The following LTBP1 variants were observed in gnomAD, a reference collection of about 807,000 sequenced individuals.
LTBP1 encodes the protein latent-transforming growth factor beta-binding protein 1.
In LTBP1, 129 loss-of-function variants were observed where a neutral mutation model predicts 207.6. The ratio of observed to expected loss-of-function variants is 0.62; its 90% CI spans 0.54 to 0.72. The LOEUF is 0.72. Among genes scored for constraint, LTBP1 ranks in the 30% least tolerant of loss-of-function variants. LTBP1 has a pLI of 0.00. For missense variants in LTBP1, 2,281 were observed against 2,217.2 expected, an observed-to-expected ratio of 1.03 and a Z score of -0.58; for synonymous variants, 963 against 833.7, an observed-to-expected ratio of 1.16 and a Z score of -2.67.
intron 29 of LTBP1, 43 bp downstream of exon 29, chr2:33,363,561 A>C (rs781650293): frequency 6.4e-7 from 1 of 1,568,000 alleles, no homozygotes; most frequent in South Asian, 1.2e-5. Context: ...GTGAAAATAT[A>C]CAGATGGAAA....
chr2:33,226,850 A>G (rs1393858029), intron 9 of LTBP1, among the ~76,000 whole-genome samples: 4 of 152,124 alleles, frequency 2.6e-5, no homozygotes, highest in Non-Finnish European at 5.9e-5. Flanking sequence ...TAGCAGGGTC[A>G]TGATTAGTGC....
chr2:32,968,349 T>C (rs933668311), intron 2 of LTBP1, among the ~76,000 whole-genome samples: 5 of 152,322 alleles, frequency 3.3e-5, no homozygotes, highest in Admixed American at 6.5e-5. Context: ...TCTTGGAGAA[T>C]TGACACTTTT....
In LTBP1 at chr2:33,257,520, G is replaced by T. The variant is rs776045141; in HGVS notation, c.2395+9G>T. The stretch of plus-strand genomic sequence containing the variant: ...AGTGGCGGAGCCAGAAGGTGAGAGC[G>T]GTAATGGATCATGGACTCTAGACAT... On this transcript the variant is annotated intron_variant, in intron 12 of 33. Transcript: ENST00000404816. 1 of 1,608,040 alleles carries T rather than the reference G, an allele frequency of 6.2e-7. No homozygotes were observed. The highest frequency in any genetic ancestry group is 2.2e-5 in the East Asian group (1 of 44,812).
Position 33,309,543 on chromosome 2 carries a change from TA to T in LTBP1, c.3595del (p.Thr1199HisfsTer21). On this transcript the variant is annotated frameshift_variant, in exon 23 of 34. Coordinates refer to ENST00000404816, the MANE Select transcript of LTBP1 (RefSeq NM_206943.4). LOFTEE classifies it high-confidence loss of function. ...CGGATGGATTTCAGCTAGATGACAA[TA>T]AAACATGTCAAGGTATTTCTTGCTC... The part of the protein sequence containing the change: ...CPDGFQLDDN[K>X]TCQDINECEH... The T allele has an allele frequency of 1.2e-6, 2 of 1,606,384 alleles. No individual in the cohort carries two copies. The highest frequency in any genetic ancestry group is 1.7e-6 in the Non-Finnish European group (2 of 1,177,654).
At chr2:33,168,080 G>T (rs537766862) in intron 5 of LTBP1, among the ~76,000 whole-genome samples, 1 of 152,172 alleles carries the variant, frequency 6.6e-6, no homozygotes, top group Non-Finnish European at 1.5e-5. Context: ...GTGCATAGTT[G>T]TAAGAACAGA....
chr2:33,326,443 G>A (rs970920232), intron 24 of LTBP1, among the ~76,000 whole-genome samples: 4 of 151,950 alleles, frequency 2.6e-5, no homozygotes, highest in African/African-American at 4.8e-5. Context: ...GTCATTCACT[G>A]AATGAGCTTG....
intron 2 of LTBP1, among the ~76,000 whole-genome samples, chr2:32,981,372 T>A (rs1032784561): frequency 6.6e-6 from 1 of 152,236 alleles, no homozygotes; most frequent in South Asian, 2.1e-4. Context: ...GTGTTTCTGT[T>A]CCAGTAAATT....
At chr2:32,964,655 T>A (rs1679664874) in intron 2 of LTBP1, among the ~76,000 whole-genome samples, 1 of 152,138 alleles carries the variant, frequency 6.6e-6, no homozygotes, top group African/African-American at 2.4e-5. Context: ...TAAGAAATGG[T>A]GTTAAAATTT....
At chr2:32,972,331 TCTG>T (rs368196583) in intron 2 of LTBP1, among the ~76,000 whole-genome samples, 11 of 152,130 alleles carry the variant, frequency 7.2e-5, no homozygotes, top group African/African-American at 1.9e-4. Context: ...TTTCCTGTCT[TCTG>T]CTAGCTTTGG....
intron 26 of LTBP1, among the ~76,000 whole-genome samples, chr2:33,352,835 G>A (rs150936484): frequency 7.9e-5 from 12 of 152,164 alleles, no homozygotes; most frequent in Admixed American, 1.3e-4. Context: ...TTAGCTTTCC[G>A]TCCTACACTC....
intron 2 of LTBP1, among the ~76,000 whole-genome samples, chr2:32,986,630 A>T (rs1219074119): frequency 6.6e-6 from 1 of 152,172 alleles, no homozygotes; most frequent in African/African-American, 2.4e-5. Context: ...TAAATCAAGC[A>T]CAGGGCCCTT....
chr2:32,993,969 A>AGGGTGTGT (rs1684843489), intron 2 of LTBP1, among the ~76,000 whole-genome samples: 1 of 138,384 alleles, frequency 7.2e-6, no homozygotes, highest in Non-Finnish European at 1.6e-5. Context: ...CAGTTAGGGG[A>AGGGTGTGT]GTGTGTGTGT....
At chr2:33,219,791 G>A (rs972838519) in intron 8 of LTBP1, among the ~76,000 whole-genome samples, 1 of 151,542 alleles carries the variant, frequency 6.6e-6, no homozygotes, top group Non-Finnish European at 1.5e-5. Flanking sequence ...CTCTTCTCTT[G>A]TGTCCAAACC....
intron 1 of LTBP1, 118 bp from the exon 2 acceptor site, chr2:32,948,757 C>T (rs964798960): frequency 1.3e-5 from 12 of 946,832 alleles, no homozygotes; most frequent in African/African-American, 6.4e-5. Flanking sequence ...TTAGGACTCT[C>T]TCTCATCCAG....
chr2:32,968,873 G>T (rs1216882940), intron 2 of LTBP1, among the ~76,000 whole-genome samples: 1 of 148,692 alleles, frequency 6.7e-6, no homozygotes, highest in Non-Finnish European at 1.5e-5. Flanking sequence ...GTAGGTGTGT[G>T]CCACCACACC....
chr2:32,960,712 GAA>G (rs1678964515), intron 2 of LTBP1, among the ~76,000 whole-genome samples: 1 of 152,178 alleles, frequency 6.6e-6, no homozygotes, highest in Non-Finnish European at 1.5e-5. Context: ...AGGGCTAAAA[GAA>G]AGTCTCTATA....
chr2:33,397,057 A>G (rs2095365121), intron 32 of LTBP1, 76 bp from the exon 33 acceptor site: 6 of 1,374,242 alleles, frequency 4.4e-6, no homozygotes, highest in African/African-American at 1.4e-5. Context: ...AAAATGAACC[A>G]TCATCTAAAT....
intron 26 of LTBP1, among the ~76,000 whole-genome samples, 167 bp downstream of exon 26, chr2:33,347,677 G>T (rs2094722422): frequency 6.6e-6 from 1 of 152,198 alleles, no homozygotes; most frequent in Non-Finnish European, 1.5e-5. Context: ...CTTGTCAGTG[G>T]AATTAAGATG....
Position 33,350,040 on chromosome 2 carries a change from GT to G in LTBP1, c.4000+2533del, listed in dbSNP as rs1246244233. 7.2e-5 allele frequency among the ~76,000 whole-genome samples: 11 copies of G among 152,302 alleles called. 1 individual carries two copies. Among genetic ancestry groups the G allele is most frequent in the African/African-American group, 2.4e-4 (10 of 41,560 alleles). The stretch of plus-strand genomic sequence containing the variant: ...GGTTAAATGTAGGCCAGTTAAGAGA[GT>G]TTGTACCCTGTCCAGTAAAAGAATC... On this transcript the variant is annotated intron_variant, in intron 26 of 33. Transcript: ENST00000404816.
Sources: gnomAD v4.1 joint callset for allele counts (sites outside exome capture counted in the v4.1 genomes callset) on GRCh38, gnomAD v4.1.1 for gene constraint, MANE v1.5 for transcripts, NCBI Gene and HGNC (gene_info 2026-07-23, HGNC 2026-07-21) for gene names.